The following DNAJC14 variants were observed in gnomAD, a reference collection of about 807,000 sequenced individuals.
DNAJC14 encodes dnaJ homolog subfamily C member 14.
DNAJC14 carries 12 observed loss-of-function variants against 68.8 expected under a neutral mutation model. That is an observed-to-expected ratio of 0.17 (90% CI 0.11 to 0.28). DNAJC14 has a LOEUF of 0.28. DNAJC14 is among the 10% of genes least tolerant of loss of function. DNAJC14 has a pLI of 1.00. For missense variants in DNAJC14, 764 were observed against 875.6 expected (o/e 0.87, Z 1.61); for synonymous variants, 350 against 321.5 (o/e 1.09, Z -0.95).
At position 55,828,536 on chromosome 12, in the gene DNAJC14, G is replaced by A; in HGVS notation, c.123C>T (p.Asp41=). The A allele has an allele frequency of 6.2e-7, 1 of 1,614,156 alleles. No individual in the cohort carries two copies. Among genetic ancestry groups the A allele is most frequent in the Non-Finnish European group, 8.5e-7 (1 of 1,180,034 alleles). ...TACCATTAGGAGCAGTCCCTGCTGA[G>A]TCCCTGAGTCCTGAGAATGAAGGTA... The part of the protein sequence containing the change: ...PEIPSFSGLR[D]SAGTAPNGTR... Residue 41 remains aspartate, a synonymous_variant, in exon 2 of 7, where the codon GAC becomes GAT. Coordinates refer to ENST00000678005, the MANE Select transcript of DNAJC14 (RefSeq NM_032364.6).
intron 3 of DNAJC14, 69 bp downstream of exon 3, chr12:55,823,333 G>A (rs1163211394): frequency 6.3e-7 from 1 of 1,599,358 alleles, no homozygotes; most frequent in African/African-American, 1.3e-5. Flanking sequence ...CCACCCCCAA[G>A]TCCAGATGCC....
At chr12:55,827,217 CAA>C in intron 2 of DNAJC14, 33 bp downstream of exon 2, 1 of 1,373,638 alleles carries the variant, frequency 7.3e-7, no homozygotes, top group Non-Finnish European at 9.4e-7. Context: ...AATATGGGAA[CAA>C]AAGAGAGAAA....
At chr12:55,822,783 G>C in intron 4 of DNAJC14, 51 bp from the exon 5 acceptor site, 1 of 1,600,250 alleles carries the variant, frequency 6.2e-7, no homozygotes, top group Non-Finnish European at 8.5e-7. Flanking sequence ...GCCTACCTAG[G>C]GCACTGCTAG....
At chr12:55,826,939 C>T (rs1880812138) in intron 2 of DNAJC14, among the ~76,000 whole-genome samples, 1 of 152,062 alleles carries the variant, frequency 6.6e-6, no homozygotes, top group South Asian at 2.1e-4. Context: ...CCTGTAATCA[C>T]AGCACTTTGG....
At chr12:55,826,356 G>A (rs989684245) in intron 2 of DNAJC14, among the ~76,000 whole-genome samples, 20 of 134,912 alleles carry the variant, frequency 1.5e-4, no homozygotes, top group Admixed American at 2.7e-4. Context: ...TTGCAGCCTC[G>A]ACCTCCTGGG....
Position 55,827,546 on chromosome 12 carries a change from A to G in DNAJC14, c.1113T>C (p.Ser371=), listed in dbSNP as rs754713905. The G allele has an allele frequency of 2.5e-6, 4 of 1,606,292 alleles. No individual in the cohort carries two copies. Among genetic ancestry groups the G allele is most frequent in the Non-Finnish European group, 3.4e-6 (4 of 1,173,432 alleles). ...KATWLFSWLD[S]PALQRCLTLL... is the part of the protein sequence containing the mutation. Reference sequence around the variant, plus strand: ...GAGTCAAGCAACGCTGCAAGGCTGGAGAATCCAGCCAAGAGAAGAGCCAGG... The same window carrying G: ...GAGTCAAGCAACGCTGCAAGGCTGGGGAATCCAGCCAAGAGAAGAGCCAGG... Residue 371 remains serine, a synonymous_variant, in exon 2 of 7, where the codon TCT becomes TCC. Transcript: ENST00000678005.
At chr12:55,829,993 T>G (rs1880934526), upstream of DNAJC14, 1 of 152,320 alleles carries the variant, frequency 6.6e-6, no homozygotes, top group African/African-American at 2.4e-5. Context: ...GTCACTGCCC[T>G]GATCCCTTCC....
At chr12:55,827,072 T>TC (rs1592594599) in intron 2 of DNAJC14, among the ~76,000 whole-genome samples, 180 bp downstream of exon 2, 2 of 150,568 alleles carry the variant, frequency 1.3e-5, no homozygotes, top group Admixed American at 1.3e-4. Context: ...GCACCTGTAA[T>TC]CCCAGCTACT....
Position 55,822,192 on chromosome 12 carries a change from G to C in DNAJC14, c.1899-5C>G, listed in dbSNP as rs752664239. On this transcript the variant is annotated splice_polypyrimidine_tract_variant and splice_region_variant and intron_variant, in intron 6 of 6. Transcript: ENST00000678005. ...GGAGGGGCATCTGGGGTGGCTCTGA[G>C]GTAAAACAGAAGAAATAAGGCAAGA... 3 of 1,575,054 alleles carry C rather than the reference G, an allele frequency of 1.9e-6. No individual in the cohort carries two copies. In the South Asian group the frequency reaches 3.5e-5, roughly 18 times the overall value.
In DNAJC14 at chr12:55,827,929, G is replaced by C. The variant is rs781340809; in HGVS notation, c.730C>G (p.Leu244Val). 1 of 1,606,850 alleles carries C rather than the reference G, an allele frequency of 6.2e-7. No homozygotes were observed. Among genetic ancestry groups the C allele is most frequent in the Non-Finnish European group, 8.5e-7 (1 of 1,175,030 alleles). Residue 244 changes from leucine to valine, a missense_variant, in exon 2 of 7, where the codon CTA becomes GTA. Physicochemically the swap from Leu to Val is conservative, Grantham distance 32. This residue lies in a region of DNAJC14 where 514 missense variants were observed against 521.7 expected (regional missense o/e 0.99). Coordinates refer to ENST00000678005, the MANE Select transcript of DNAJC14 (RefSeq NM_032364.6). Reference protein sequence around the residue: ...KGLGLWGAEELCQLGQAGFWW... With the variant: ...KGLGLWGAEEVCQLGQAGFWW... The stretch of plus-strand genomic sequence containing the variant: ...AAGCCTGCCTGTCCAAGTTGACATA[G>C]TTCCTCGGCTCCCCACAATCCCAGG...
chr12:55,823,439 T>C lies in DNAJC14; in HGVS notation c.1477A>G (p.Ile493Val), dbSNP rs1880721759. ...TTTCGCTTTTCAGCATTGCTGACAA[T>C]GTCCCAAGCTGCTCGCAAAACCTTG... ...AFKVLRAAWD[I>V]VSNAEKRKEY... The change falls in exon 3 of 7, where the codon ATT becomes GTT. Residue 493 changes from isoleucine (I) to valine (V), a missense_variant. Transcript: ENST00000678005. The C allele has an allele frequency of 3.7e-6, 6 of 1,614,182 alleles. No homozygotes were observed. The highest frequency in any genetic ancestry group is 5.1e-6 in the Non-Finnish European group (6 of 1,180,038).
intron 2 of DNAJC14, among the ~76,000 whole-genome samples, chr12:55,825,575 G>C (rs1000931554): frequency 2.1e-5 from 2 of 96,028 alleles, no homozygotes; most frequent in African/African-American, 3.8e-5. Flanking sequence ...ACGGTGTCTT[G>C]TTCTGTCGCC....
At chr12:55,824,516 C>G (rs892086785) in intron 2 of DNAJC14, among the ~76,000 whole-genome samples, 2 of 152,158 alleles carry the variant, frequency 1.3e-5, no homozygotes, top group Non-Finnish European at 2.9e-5. Context: ...AAAATGCTGT[C>G]AAATTTCCCA....
intron 3 of DNAJC14, 90 bp from the exon 4 acceptor site, chr12:55,823,279 C>A (rs1184885694): frequency 1.2e-6 from 2 of 1,602,588 alleles, no homozygotes; most frequent in East Asian, 2.2e-5. Flanking sequence ...CCCTGTCTAG[C>A]GAGAAAGACA....
At position 55,828,086 on chromosome 12, in the gene DNAJC14, T is replaced by G. The variant is rs1367333497; in HGVS notation, c.573A>C (p.Lys191Asn). 1 of 1,601,858 alleles carries G rather than the reference T, an allele frequency of 6.2e-7. No individual in the cohort carries two copies. Among genetic ancestry groups the G allele is most frequent in the Non-Finnish European group, 8.5e-7 (1 of 1,173,968 alleles). ...GGTGCCGCTGTCTCCGGGATGGGGGTTTCTTTCCGCTGGACACACGTGAAA... is the reference window on the plus strand; with the variant it reads ...GGTGCCGCTGTCTCCGGGATGGGGGGTTCTTTCCGCTGGACACACGTGAAA... Reference protein sequence around the residue: ...SDFSRVSSGKKPPSRRQRHRF... With the variant: ...SDFSRVSSGKNPPSRRQRHRF... The change falls in exon 2 of 7, where the codon AAA (lysine) becomes AAC (asparagine). Residue 191 changes from lysine (K) to asparagine (N), a missense_variant. Around this residue, in one of 4 missense-constraint regions of DNAJC14, gnomAD observed 514 missense variants for 521.7 expected, o/e 0.99. Coordinates refer to ENST00000678005, the MANE Select transcript of DNAJC14 (RefSeq NM_032364.6).
Position 55,822,201 on chromosome 12 carries a change from GAAGA to G in DNAJC14, c.1899-18_1899-15del. On this transcript the variant is annotated splice_polypyrimidine_tract_variant and intron_variant, in intron 6 of 6. Coordinates refer to ENST00000678005, the MANE Select transcript of DNAJC14 (RefSeq NM_032364.6). ...TCTGGGGTGGCTCTGAGGTAAAACA[GAAGA>G]AATAAGGCAAGAGATGTTAGAGTCA... 6.4e-7 allele frequency: 1 copy of G among 1,566,032 alleles called. No homozygotes were observed. Among genetic ancestry groups the G allele is most frequent in the Non-Finnish European group, 8.6e-7 (1 of 1,158,792 alleles).
Position 55,821,325 on chromosome 12 carries a change from G to T in DNAJC14, c.*652C>A, listed in dbSNP as rs1212564364. The T allele has an allele frequency of 1.3e-5, 2 of 152,510 alleles. No homozygotes were observed. Among genetic ancestry groups the T allele is most frequent in the African/African-American group, 4.8e-5 (2 of 41,388 alleles). 9.4% of individuals were successfully genotyped at this position (152,510 alleles called of 1,614,324 possible). The stretch of plus-strand genomic sequence containing the variant: ...TTGTTCTCTTTTAAATATTATATCA[G>T]GATAAAGGAGAGGGCTCCCTCCTGA... On this transcript the variant is annotated 3_prime_UTR_variant, in exon 7 of 7. Coordinates refer to ENST00000678005, the MANE Select transcript of DNAJC14 (RefSeq NM_032364.6).
At chr12:55,825,357 AAGT>A (rs1394981887) in intron 2 of DNAJC14, among the ~76,000 whole-genome samples, 2 of 152,108 alleles carry the variant, frequency 1.3e-5, no homozygotes, top group African/African-American at 2.4e-5. Context: ...ACTCCAGTGT[AAGT>A]AGGCCTCCAA....
Position 55,828,129 on chromosome 12 carries a change from A to C in DNAJC14, c.530T>G (p.Leu177Arg), listed in dbSNP as rs775033988. 1.2e-6 allele frequency: 2 copies of C among 1,607,864 alleles called. No homozygotes were observed. The highest frequency in any genetic ancestry group is 1.1e-5 in the South Asian group (1 of 90,256). ...LEEEYDDEES[L>R]KFPSDFSRVS... ...ACGTGAAAAATCACTGGGGAACTTG[A>C]GAGATTCTTCATCATCATATTCCTC... Residue 177 changes from leucine to arginine, a missense_variant, in exon 2 of 7, where the codon CTC becomes CGC. Leu to Arg is a moderately radical substitution (Grantham distance 102, BLOSUM62 -2). Around this residue, in one of 4 missense-constraint regions of DNAJC14, gnomAD observed 514 missense variants for 521.7 expected, o/e 0.99. Coordinates refer to ENST00000678005, the MANE Select transcript of DNAJC14 (RefSeq NM_032364.6).
Sources: gnomAD v4.1 joint callset for allele counts (sites outside exome capture counted in the v4.1 genomes callset) on GRCh38, gnomAD v4.1.1 for gene constraint, gnomAD v4.1.1 regional missense constraint, MANE v1.5 for transcripts, NCBI Gene and HGNC (gene_info 2026-07-23, HGNC 2026-07-21) for gene names.